The following MAPK10 variants were observed in gnomAD, a reference collection of about 807,000 sequenced individuals.
The protein encoded by MAPK10 is mitogen-activated protein kinase 10.
A neutral mutation model predicts 59.3 loss-of-function variants in MAPK10; 25 were observed. That is an observed-to-expected ratio of 0.42 (90% CI 0.31 to 0.59). The LOEUF (loss-of-function observed/expected upper bound fraction) is 0.59. Ranked by LOEUF, MAPK10 falls within the 20% of genes least tolerant of loss-of-function variation. MAPK10 has a pLI of 0.15. For synonymous variants in MAPK10, 190 were observed against 200.5 expected (o/e 0.95, Z 0.44); for missense variants, 351 against 568.9 (o/e 0.62, Z 3.90).
At chr4:86,563,517 T>A (rs1181060618) in intron 1 of MAPK10, among the ~76,000 whole-genome samples, 1 of 152,240 alleles carries the variant, frequency 6.6e-6, no homozygotes, top group African/African-American at 2.4e-5. Context: ...ATCTTTTATG[T>A]TTGTGGTATC....
intron 2 of MAPK10, among the ~76,000 whole-genome samples, chr4:86,282,846 A>G (rs1178983408): frequency 6.6e-6 from 1 of 152,202 alleles, no homozygotes; most frequent in African/African-American, 2.4e-5. Flanking sequence ...ATGGAATCAA[A>G]GTCTAGGCAC....
At chr4:86,499,978 TGA>T (rs774363866) in intron 1 of MAPK10, among the ~76,000 whole-genome samples, 6 of 152,210 alleles carry the variant, frequency 3.9e-5, no homozygotes, top group Non-Finnish European at 8.8e-5. Flanking sequence ...TAAAAGCGCC[TGA>T]GTCACTGATA....
chr4:86,177,152 C>G (rs2075874192), intron 3 of MAPK10, among the ~76,000 whole-genome samples: 1 of 151,988 alleles, frequency 6.6e-6, no homozygotes, highest in Non-Finnish European at 1.5e-5. Flanking sequence ...AACACCAGTG[C>G]CTTCAACTAC....
intron 2 of MAPK10, among the ~76,000 whole-genome samples, chr4:86,262,335 C>G (rs2094022227): frequency 6.6e-6 from 1 of 151,642 alleles, no homozygotes; most frequent in East Asian, 1.9e-4. Flanking sequence ...CTCGGATTTC[C>G]CAGGCTCCAG....
At chr4:86,470,544 TATC>T (rs1030465960) in intron 1 of MAPK10, among the ~76,000 whole-genome samples, 21 of 152,286 alleles carry the variant, frequency 1.4e-4, no homozygotes, top group African/African-American at 3.4e-4. Flanking sequence ...CCTATTTCCT[TATC>T]TTCTTAATTC....
At chr4:86,053,033 T>C (rs2043880042) in intron 11 of MAPK10, among the ~76,000 whole-genome samples, 1 of 152,036 alleles carries the variant, frequency 6.6e-6, no homozygotes, top group Non-Finnish European at 1.5e-5. Flanking sequence ...AAGTTCATCA[T>C]GCAATTAAAC....
chr4:86,552,435 A>C (rs1578094943), intron 1 of MAPK10, among the ~76,000 whole-genome samples: 1 of 81,608 alleles, frequency 1.2e-5, no homozygotes, highest in African/African-American at 4.8e-5. Flanking sequence ...AGAGGAAGGA[A>C]GGAAGGAAGG....
intron 1 of MAPK10, among the ~76,000 whole-genome samples, chr4:86,555,302 C>T (rs1219982882): frequency 3.3e-5 from 5 of 152,068 alleles, no homozygotes; most frequent in African/African-American, 9.7e-5. Context: ...AAAAATTAGC[C>T]GGGCGCGGTG....
intron 4 of MAPK10, among the ~76,000 whole-genome samples, chr4:86,149,009 A>C (rs1446854038): frequency 6.6e-6 from 1 of 152,224 alleles, no homozygotes; most frequent in Non-Finnish European, 1.5e-5. Flanking sequence ...AGTTGGCTTC[A>C]ACCTAGTCTA....
upstream of MAPK10, among the ~76,000 whole-genome samples, chr4:86,455,618 T>A (rs1043577590): frequency 1.3e-5 from 2 of 152,130 alleles, no homozygotes; most frequent in Non-Finnish European, 2.9e-5. Flanking sequence ...CAACCCTAAA[T>A]ATAAATGCAC....
upstream of MAPK10, among the ~76,000 whole-genome samples, chr4:86,363,382 C>T (rs2148986564): frequency 6.6e-6 from 1 of 152,276 alleles, no homozygotes; most frequent in Non-Finnish European, 1.5e-5. Flanking sequence ...TGAGGGACAA[C>T]TGCATTTGCC....
chr4:86,200,826 C>T (rs548102463), intron 2 of MAPK10, among the ~76,000 whole-genome samples: 1 of 151,918 alleles, frequency 6.6e-6, no homozygotes, highest in South Asian at 2.1e-4. Context: ...TATCCATCAC[C>T]TCAAGCATTT....
chr4:86,583,214 G>A (rs1416020889), intron 1 of MAPK10, among the ~76,000 whole-genome samples: 10 of 151,864 alleles, frequency 6.6e-5, no homozygotes, highest in South Asian at 2.1e-4. Flanking sequence ...TAGTAGAGAC[G>A]TGGTTTCACT....
chr4:86,186,437 C>T (rs2078251549), intron 3 of MAPK10, among the ~76,000 whole-genome samples: 1 of 152,220 alleles, frequency 6.6e-6, no homozygotes, highest in East Asian at 1.9e-4. Context: ...AAAATCTATG[C>T]TCAAGGAAAG....
intron 11 of MAPK10, among the ~76,000 whole-genome samples, chr4:86,033,534 C>T (rs1280155591): frequency 6.6e-6 from 1 of 152,194 alleles, no homozygotes; most frequent in Non-Finnish European, 1.5e-5. Context: ...TTTCTTTTTG[C>T]AACAAAGCTA....
intron 1 of MAPK10, among the ~76,000 whole-genome samples, chr4:86,505,160 T>C (rs74732649): frequency 0.048 from 7,361 of 152,248 alleles, 236 homozygotes; most frequent in African/African-American, 0.061. Context: ...ACATTCTTAT[T>C]ATTCCTCTAT....
intron 1 of MAPK10, among the ~76,000 whole-genome samples, chr4:86,519,385 T>A (rs1476256358): frequency 6.6e-6 from 1 of 152,234 alleles, no homozygotes; most frequent in Non-Finnish European, 1.5e-5. Context: ...TGCGTCTTTT[T>A]AAACTGTTGT....
intron 1 of MAPK10, among the ~76,000 whole-genome samples, chr4:86,581,309 C>G (rs955845394): frequency 2.0e-5 from 3 of 149,866 alleles, no homozygotes; most frequent in Non-Finnish European, 4.4e-5. Flanking sequence ...TTCCCTAAAA[C>G]AGGAAGAGAA....
chr4:86,508,074 C>A (rs1755939400), intron 1 of MAPK10, among the ~76,000 whole-genome samples: 1 of 152,090 alleles, frequency 6.6e-6, no homozygotes, highest in Admixed American at 6.6e-5. Flanking sequence ...ACATTGTCTT[C>A]TTTTACCCTC....
Sources: gnomAD v4.1 joint callset for allele counts (sites outside exome capture counted in the v4.1 genomes callset) on GRCh38, gnomAD v4.1.1 for gene constraint, MANE v1.5 for transcripts, NCBI Gene and HGNC (gene_info 2026-07-23, HGNC 2026-07-21) for gene names.